The following KHDRBS2 variants were observed in gnomAD, a reference collection of about 807,000 sequenced individuals.
The protein encoded by KHDRBS2 is KH RNA binding domain containing, signal transduction associated 2, also known as KH domain-containing, RNA-binding, signal transduction-associated protein 2.
In KHDRBS2, 26 loss-of-function variants were observed where a neutral mutation model predicts 44.3. The ratio of observed to expected loss-of-function variants is 0.59; its 90% CI spans 0.43 to 0.81. The LOEUF (loss-of-function observed/expected upper bound fraction) is 0.81. Ranked by LOEUF, KHDRBS2 falls within the 40% of genes least tolerant of loss-of-function variation. The pLI is 0.00. For missense variants in KHDRBS2, 476 were observed against 433.1 expected, an observed-to-expected ratio of 1.10 and a Z score of -0.88; for synonymous variants, 194 against 151.1, an observed-to-expected ratio of 1.28 and a Z score of -2.08.
the KHDRBS2 span, among the ~76,000 whole-genome samples, chr6:61,609,008 C>T: frequency 3.0e-4 from 45 of 152,272 alleles, no homozygotes; most frequent in East Asian, 6.6e-3. Flanking sequence ...CTGGAGGAAT[C>T]GCCACACTGT....
At chr6:61,639,444 T>A in the KHDRBS2 span, among the ~76,000 whole-genome samples, 2 of 152,078 alleles carry the variant, frequency 1.3e-5, no homozygotes, top group South Asian at 4.1e-4. Flanking sequence ...CTATCACAGA[T>A]TGAGCTTTCT....
At chr6:62,044,775 T>A (rs1455035125) in intron 3 of KHDRBS2, among the ~76,000 whole-genome samples, 1 of 152,086 alleles carries the variant, frequency 6.6e-6, no homozygotes, top group African/African-American at 2.4e-5. Context: ...TTGAACTTCT[T>A]AATACTTGCT....
chr6:61,892,861 A>T (rs1802181496), intron 6 of KHDRBS2, among the ~76,000 whole-genome samples: 1 of 152,206 alleles, frequency 6.6e-6, no homozygotes, highest in Non-Finnish European at 1.5e-5. Context: ...TCATGTCTAA[A>T]ACACCAAAAG....
At chr6:61,970,619 T>C (rs897346986) in intron 4 of KHDRBS2, among the ~76,000 whole-genome samples, 7 of 152,122 alleles carry the variant, frequency 4.6e-5, no homozygotes, top group Non-Finnish European at 1.0e-4. Context: ...AGGAAGAAAG[T>C]CATTTGAGGA....
chr6:61,938,767 C>A (rs1284746084), intron 4 of KHDRBS2, among the ~76,000 whole-genome samples: 1 of 151,854 alleles, frequency 6.6e-6, no homozygotes, highest in Non-Finnish European at 1.5e-5. Context: ...TTGAGAAAAT[C>A]CAGAAGAAAA....
chr6:61,723,739 C>T (rs1317681980), intron 7 of KHDRBS2, among the ~76,000 whole-genome samples: 3 of 151,986 alleles, frequency 2.0e-5, no homozygotes, highest in Non-Finnish European at 4.4e-5. Context: ...TGAAGACTAT[C>T]TTTTGAAATA....
chr6:61,971,336 C>A (rs561307051), intron 4 of KHDRBS2, among the ~76,000 whole-genome samples: 1 of 152,000 alleles, frequency 6.6e-6, no homozygotes, highest in East Asian at 1.9e-4. Flanking sequence ...CTGGAAGAAT[C>A]AATACATTTT....
At chr6:61,795,144 C>CAAAAAAAAAAAAAAAAA (rs1166333660) in intron 6 of KHDRBS2, among the ~76,000 whole-genome samples, 4 of 59,670 alleles carry the variant, frequency 6.7e-5, no homozygotes, top group African/African-American at 1.9e-4. Context: ...GACTCCGTCT[C>CAAAAAAAAAAAAAAAAA]AAAAAAAAAA....
chr6:62,251,114 C>G (rs147696940), intron 1 of KHDRBS2, among the ~76,000 whole-genome samples: 1 of 151,668 alleles, frequency 6.6e-6, no homozygotes, highest in East Asian at 1.9e-4. Flanking sequence ...GACCTACTTA[C>G]GGGCAAAGAA....
the KHDRBS2 span, among the ~76,000 whole-genome samples, chr6:61,543,986 T>G: frequency 6.6e-6 from 1 of 151,984 alleles, no homozygotes; most frequent in African/African-American, 2.4e-5. Flanking sequence ...AAGTGTGGAT[T>G]GTTTGTAGAT....
the KHDRBS2 span, among the ~76,000 whole-genome samples, chr6:61,639,405 C>G: frequency 6.6e-6 from 1 of 151,780 alleles, no homozygotes; most frequent in African/African-American, 2.4e-5. Context: ...GTCTTTTTCC[C>G]TCTTAAAATC....
rs977934214 is a variant in KHDRBS2, at chr6:62,058,350, G to T, written c.220-10356C>A. 7.9e-5 allele frequency among the ~76,000 whole-genome samples: 12 copies of T among 151,772 alleles called. No individual in the cohort carries two copies. In the South Asian group the frequency reaches 1.0e-3, roughly 13 times the overall value. On this transcript the variant is annotated intron_variant, in intron 2 of 8. Transcript: ENST00000281156. ...ATTCGTTGATACTCAAATTCCTTTT[G>T]TCCTAACAATTGAAAATATTGGAAT...
intron 7 of KHDRBS2, among the ~76,000 whole-genome samples, chr6:61,713,860 G>A (rs138443162): frequency 1.3e-5 from 2 of 151,694 alleles, no homozygotes; most frequent in Non-Finnish European, 3.0e-5. Context: ...AATGAAACTA[G>A]ATCCCTATCT....
chr6:62,119,211 G>C (rs1447725281), intron 2 of KHDRBS2, among the ~76,000 whole-genome samples: 1 of 152,160 alleles, frequency 6.6e-6, no homozygotes, highest in African/African-American at 2.4e-5. Context: ...ACTGTTTAGA[G>C]GGATATGCAA....
intron 6 of KHDRBS2, among the ~76,000 whole-genome samples, chr6:61,872,268 C>T (rs1421659594): frequency 6.6e-6 from 1 of 151,886 alleles, no homozygotes; most frequent in Non-Finnish European, 1.5e-5. Context: ...ATTCAGGAAG[C>T]AGTTAAAAAA....
At chr6:61,621,750 C>A in the KHDRBS2 span, among the ~76,000 whole-genome samples, 3 of 152,102 alleles carry the variant, frequency 2.0e-5, no homozygotes, top group African/African-American at 7.2e-5. Flanking sequence ...CAGAACATGG[C>A]AAAAGTGGTA....
At chr6:61,547,838 C>T in the KHDRBS2 span, among the ~76,000 whole-genome samples, 1 of 152,032 alleles carries the variant, frequency 6.6e-6, no homozygotes, top group African/African-American at 2.4e-5. Flanking sequence ...ATTCTTCTTC[C>T]CCAAAAAGTC....
chr6:61,735,909 TG>T (rs1775250437), intron 6 of KHDRBS2, among the ~76,000 whole-genome samples: 1 of 152,024 alleles, frequency 6.6e-6, no homozygotes, highest in African/African-American at 2.4e-5. Flanking sequence ...GACCTAGATT[TG>T]TTTTGTCTCT....
Position 61,954,640 on chromosome 6 carries a change from A to G in KHDRBS2, c.483+23426T>C, listed in dbSNP as rs376654055. On this transcript the variant is annotated intron_variant, in intron 4 of 8. Coordinates refer to ENST00000281156, the MANE Select transcript of KHDRBS2 (RefSeq NM_152688.4). Reference sequence around the variant, plus strand: ...TACATATATATGTATATATACACATACATACTTATGTATACATACATATGT... The same window carrying G: ...TACATATATATGTATATATACACATGCATACTTATGTATACATACATATGT... Among the ~76,000 whole-genome samples, 1,188 of 121,398 alleles carry G rather than the reference A, an allele frequency of 9.8e-3. 62 individuals are homozygous for G. Among genetic ancestry groups the G allele is most frequent in the Middle Eastern group, 0.023 (3 of 132 alleles). 79.6% of individuals were successfully genotyped at this position (121,398 alleles called of 152,430 possible).
Sources: gnomAD v4.1 joint callset for allele counts (sites outside exome capture counted in the v4.1 genomes callset) on GRCh38, gnomAD v4.1.1 for gene constraint, MANE v1.5 for transcripts, NCBI Gene and HGNC (gene_info 2026-07-23, HGNC 2026-07-21) for gene names.